The following RNF17 variants were observed in gnomAD, a reference collection of about 807,000 sequenced individuals.
RNF17 encodes the protein spermatogenesis associated 23.
RNF17 carries 31 observed loss-of-function variants against 200.5 expected under a neutral mutation model. The ratio of observed to expected loss-of-function variants is 0.15; its 90% confidence interval spans 0.12 to 0.21. The LOEUF (loss-of-function observed/expected upper bound fraction) is 0.21, where lower values mean the gene tolerates loss of function less well. Among genes scored for constraint, RNF17 ranks in the 10% least tolerant of loss-of-function variants. The pLI is 1.00. For missense variants in RNF17, 1,628 were observed against 1,905.1 expected (o/e 0.85, Z 2.71); for synonymous variants, 606 against 637.8 (o/e 0.95, Z 0.75).
intron 30 of RNF17, among the ~76,000 whole-genome samples, chr13:24,866,877 A>G (rs1014095674): frequency 6.6e-6 from 1 of 152,164 alleles, no homozygotes; most frequent in Non-Finnish European, 1.5e-5. Context: ...TTTTACATGT[A>G]TGTCAGTAGT....
At chr13:24,761,320 A>G (rs1878722348), upstream of RNF17, among the ~76,000 whole-genome samples, 1 of 152,236 alleles carries the variant, frequency 6.6e-6, no homozygotes, top group African/African-American at 2.4e-5. Context: ...AATATGTTAT[A>G]TGCTTAACAA....
At chr13:24,806,965 A>C (rs1238291521) in intron 15 of RNF17, among the ~76,000 whole-genome samples, 1 of 151,800 alleles carries the variant, frequency 6.6e-6, no homozygotes, top group Non-Finnish European at 1.5e-5. Context: ...ATGTCCCTAC[A>C]AAGGACATGA....
At chr13:24,853,768 G>T in intron 24 of RNF17, 87 bp from the exon 25 acceptor site, 1 of 951,256 alleles carries the variant, frequency 1.1e-6, no homozygotes, top group Non-Finnish European at 1.5e-6. Context: ...TCAATTTCAT[G>T]TATATCTGAA....
At chr13:24,787,928 C>T (rs1377179123) in intron 6 of RNF17, 60 bp from the exon 7 acceptor site, 14 of 1,343,234 alleles carry the variant, frequency 1.0e-5, no homozygotes, top group Non-Finnish European at 1.2e-5. Flanking sequence ...TACTATAGAT[C>T]GACTTTTTCT....
intron 1 of RNF17, among the ~76,000 whole-genome samples, chr13:24,765,135 C>T (rs1219222924): frequency 1.3e-5 from 2 of 152,128 alleles, no homozygotes; most frequent in South Asian, 2.1e-4. Flanking sequence ...CCTGTCTCAG[C>T]CTCTGGAGTA....
At chr13:24,878,692 T>C (rs1291535692) in intron 34 of RNF17, among the ~76,000 whole-genome samples, 1 of 152,194 alleles carries the variant, frequency 6.6e-6, no homozygotes, top group Non-Finnish European at 1.5e-5. Flanking sequence ...GAGAACCCCC[T>C]TTCTGCCTGT....
chr13:24,828,557 G>C (rs9551154), intron 16 of RNF17, among the ~76,000 whole-genome samples: 34,989 of 146,322 alleles, frequency 0.24, 4,527 homozygotes, highest in Non-Finnish European at 0.29. Context: ...CTGTTATTCT[G>C]TCAGACAAAT....
intron 18 of RNF17, among the ~76,000 whole-genome samples, chr13:24,838,762 A>G (rs957554886): frequency 5.3e-5 from 8 of 152,310 alleles, no homozygotes; most frequent in South Asian, 2.1e-4. Flanking sequence ...AAGTGGAACA[A>G]GACAAGGATG....
At chr13:24,777,392 G>A (rs1881718495) in intron 3 of RNF17, among the ~76,000 whole-genome samples, 1 of 152,208 alleles carries the variant, frequency 6.6e-6, no homozygotes, top group South Asian at 2.1e-4. Flanking sequence ...AAATAGCTGG[G>A]CATGATGGCT....
At chr13:24,875,497 T>G (rs2138458793) in intron 33 of RNF17, among the ~76,000 whole-genome samples, 1 of 152,290 alleles carries the variant, frequency 6.6e-6, no homozygotes, top group Non-Finnish European at 1.5e-5. Context: ...ACCAAAGACA[T>G]TTCAGTTGGT....
intron 5 of RNF17, among the ~76,000 whole-genome samples, chr13:24,781,109 C>G (rs899601079): frequency 6.6e-6 from 1 of 151,892 alleles, no homozygotes; most frequent in East Asian, 1.9e-4. Context: ...AAGAAGGGGT[C>G]ATGGATCTAA....
Position 24,854,083 on chromosome 13 carries a change from T to G in RNF17, c.3549T>G (p.Phe1183Leu). 11 of 1,614,044 alleles carry G rather than the reference T, an allele frequency of 6.8e-6. No individual in the cohort carries two copies. The highest frequency in any genetic ancestry group is 9.3e-6 in the Non-Finnish European group (11 of 1,179,920). ...KPPAIPNMNV[F>L]EATVSCVGDD... ...CAGCTATTCCTAACATGAACGTATT[T>G]GAGGCAACAGTCAGCTGTGTTGGTG... is the stretch of plus-strand genomic sequence containing the variant. The change falls in exon 25 of 36, where the codon TTT (phenylalanine) becomes TTG (leucine). Residue 1183 changes from phenylalanine (F) to leucine (L), a missense_variant. This residue lies in a region of RNF17 where 609 missense variants were observed against 681.9 expected (regional missense o/e 0.89). Coordinates refer to ENST00000255324, the MANE Select transcript of RNF17 (RefSeq NM_031277.3).
intron 1 of RNF17, 77 bp downstream of exon 1, chr13:24,764,410 G>C (rs1441511105): frequency 6.8e-7 from 1 of 1,473,202 alleles, no homozygotes. Context: ...TGGTGGGCGC[G>C]TGAGGCTTGG....
At chr13:24,778,261 C>G in intron 3 of RNF17, 34 bp from the exon 4 acceptor site, 1 of 1,432,970 alleles carries the variant, frequency 7.0e-7, no homozygotes, top group East Asian at 2.3e-5. Context: ...GATCCTGTCA[C>G]AAAAAATAAA....
chr13:24,781,195 GTTT>G (rs1181664545), intron 5 of RNF17, among the ~76,000 whole-genome samples: 1 of 148,330 alleles, frequency 6.7e-6, no homozygotes, highest in Non-Finnish European at 1.5e-5. Flanking sequence ...GGTTTCTACG[GTTT>G]TTTTTTTAAT....
intron 15 of RNF17, chr13:24,824,335 C>A: frequency 3.5e-6 from 2 of 574,216 alleles, no homozygotes; most frequent in South Asian, 2.5e-5. Context: ...CTCTGGCTTA[C>A]CTGTTAATGG....
chr13:24,852,136 CTTT>C (rs542414882), intron 24 of RNF17, among the ~76,000 whole-genome samples: 7 of 123,368 alleles, frequency 5.7e-5, no homozygotes, highest in East Asian at 4.6e-4. Context: ...CTCTCTCTCT[CTTT>C]TTTTTTTTTT....
At chr13:24,793,877 T>C (rs954699783) in intron 10 of RNF17, among the ~76,000 whole-genome samples, 3 of 152,218 alleles carry the variant, frequency 2.0e-5, no homozygotes, top group Non-Finnish European at 4.4e-5. Flanking sequence ...TAGTCTCCTT[T>C]AAGACCATTT....
chr13:24,883,241 T>A (rs757270924), downstream of RNF17: 1 of 1,614,126 alleles, frequency 6.2e-7, no homozygotes, highest in East Asian at 2.2e-5. Flanking sequence ...ACCGGATCTG[T>A]ACTTCGTTTC....
Sources: gnomAD v4.1 joint callset for allele counts (sites outside exome capture counted in the v4.1 genomes callset) on GRCh38, gnomAD v4.1.1 for gene constraint, gnomAD v4.1.1 regional missense constraint, MANE v1.5 for transcripts, NCBI Gene and HGNC (gene_info 2026-07-23, HGNC 2026-07-21) for gene names.